IMMP2L: variants seen among roughly 807,000 people sequenced by gnomAD.
IMMP2L encodes the protein inner mitochondrial membrane peptidase subunit 2, also known as mitochondrial inner membrane protease subunit 2.
A neutral mutation model predicts 19.3 loss-of-function variants in IMMP2L; 18 were observed. The ratio of observed to expected loss-of-function variants is 0.93; its 90% confidence interval spans 0.64 to 1.38. IMMP2L has a LOEUF of 1.38. Among genes scored for constraint, IMMP2L ranks in the 40% most tolerant of loss-of-function variants. The pLI is 0.00. For synonymous variants in IMMP2L, 76 were observed against 73.0 expected (o/e 1.04, Z -0.21); for missense variants, 233 against 218.2 (o/e 1.07, Z -0.43).
At chr7:110,980,225 T>A (rs570122415) in intron 3 of IMMP2L, among the ~76,000 whole-genome samples, 9 of 129,972 alleles carry the variant, frequency 6.9e-5, no homozygotes, top group African/African-American at 2.8e-4. Flanking sequence ...TTTGTGCTGC[T>A]TCTTTTTTTT....
At chr7:110,730,639 T>C (rs374300275) in intron 5 of IMMP2L, among the ~76,000 whole-genome samples, 185 of 152,076 alleles carry the variant, frequency 1.2e-3, no homozygotes, top group Non-Finnish European at 1.9e-3. Context: ...ATTCTCCTGC[T>C]TCAGCCTCCC....
Position 110,728,531 on chromosome 7 carries a change from T to C in IMMP2L, c.409-64810A>G, listed in dbSNP as rs1424632828. 6.6e-6 allele frequency among the ~76,000 whole-genome samples: 1 copy of C among 151,926 alleles called. No individual in the cohort carries two copies. The highest frequency in any genetic ancestry group is 1.5e-5 in the Non-Finnish European group (1 of 67,922). On this transcript the variant is annotated intron_variant, in intron 5 of 5. Coordinates refer to ENST00000405709, the MANE Select transcript of IMMP2L (RefSeq NM_032549.4). This position sits in a 1 kb window ranked among gnomAD's most constrained non-coding sequence, Gnocchi z 4.6. ...TAAATAAAATAAAATAAAATAACAA[T>C]ATTAAAGGCCCCTTTTGACCCACCT... is the stretch of plus-strand genomic sequence containing the variant.
rs911595267 is a variant in IMMP2L at position 110,924,260 on chromosome 7, A to G, written c.306-37565T>C. Reference sequence around the variant, plus strand: ...CTTTAATTTCCTTTATTACAGCAAAATTGAGAAGAGGCTTCTGGTGAAAAC... The same window carrying G: ...CTTTAATTTCCTTTATTACAGCAAAGTTGAGAAGAGGCTTCTGGTGAAAAC... On this transcript the variant is annotated intron_variant, in intron 4 of 5. Coordinates refer to ENST00000405709, the MANE Select transcript of IMMP2L (RefSeq NM_032549.4). The surrounding 1 kb of genome is among the most constrained non-coding windows in gnomAD (Gnocchi z 4.2). Among the ~76,000 whole-genome samples, 2 of 152,274 alleles carry G rather than the reference A, an allele frequency of 1.3e-5. No homozygotes were observed. Among genetic ancestry groups the G allele is most frequent in the South Asian group, 4.1e-4 (2 of 4,824 alleles).
At chr7:111,080,952 T>C (rs925934968) in intron 3 of IMMP2L, among the ~76,000 whole-genome samples, 1 of 152,206 alleles carries the variant, frequency 6.6e-6, no homozygotes, top group Admixed American at 6.5e-5. Flanking sequence ...TAAGTAAATA[T>C]TCTATAAGCA....
chr7:111,435,234 A>G (rs1349494533), intron 3 of IMMP2L, among the ~76,000 whole-genome samples: 1 of 151,916 alleles, frequency 6.6e-6, no homozygotes, highest in Non-Finnish European at 1.5e-5. Context: ...TTGAAATTAT[A>G]TCTTTATCAC....
At chr7:111,030,691 G>GTAAAACAGGATTAACTACATAGTTAC (rs1790665159) in intron 3 of IMMP2L, among the ~76,000 whole-genome samples, 1 of 151,842 alleles carries the variant, frequency 6.6e-6, no homozygotes, top group Non-Finnish European at 1.5e-5. Flanking sequence ...ATTTATATTA[G>GTAAAACAGGATTAACTACATAGTTAC]TAAAACAGGA....
chr7:111,133,810 C>T (rs953732746), intron 3 of IMMP2L, among the ~76,000 whole-genome samples: 10 of 152,112 alleles, frequency 6.6e-5, no homozygotes, highest in African/African-American at 2.4e-4. Context: ...TAAACCTTCC[C>T]TAATCTGAAA....
At chr7:110,672,173 G>A (rs1191208691) in intron 5 of IMMP2L, among the ~76,000 whole-genome samples, 2 of 152,048 alleles carry the variant, frequency 1.3e-5, no homozygotes, top group African/African-American at 2.4e-5. Context: ...TACAATCATA[G>A]CAGAAGGGGA....
intron 2 of IMMP2L, among the ~76,000 whole-genome samples, chr7:111,487,687 A>C (rs1842770273): frequency 6.6e-6 from 1 of 152,206 alleles, no homozygotes; most frequent in Non-Finnish European, 1.5e-5. Flanking sequence ...ATATCCAGAT[A>C]GGATCTAATT....
intron 3 of IMMP2L, among the ~76,000 whole-genome samples, chr7:111,167,636 A>G (rs1805973983): frequency 6.6e-6 from 1 of 151,960 alleles, no homozygotes; most frequent in Admixed American, 6.6e-5. Context: ...CCCAATGACT[A>G]AATTATCTTC....
chr7:110,993,481 T>C (rs1214307326), intron 3 of IMMP2L, among the ~76,000 whole-genome samples: 2 of 152,056 alleles, frequency 1.3e-5, no homozygotes, highest in Admixed American at 1.3e-4. Flanking sequence ...TTCTTCTATG[T>C]AGTTGCTTTT....
intron 5 of IMMP2L, among the ~76,000 whole-genome samples, chr7:110,820,160 G>T (rs567878787): frequency 8.7e-4 from 132 of 151,586 alleles, no homozygotes; most frequent in Non-Finnish European, 1.3e-3. Flanking sequence ...TTATCTTCAG[G>T]GTACAATACA....
chr7:111,429,104 C>A (rs950641731), intron 3 of IMMP2L, among the ~76,000 whole-genome samples: 1 of 151,710 alleles, frequency 6.6e-6, no homozygotes, highest in African/African-American at 2.4e-5. Context: ...AAAGAACATG[C>A]AATCCTTTTT....
intron 3 of IMMP2L, among the ~76,000 whole-genome samples, chr7:111,201,279 C>CAA (rs564280464): frequency 1.8e-3 from 238 of 134,252 alleles, no homozygotes; most frequent in African/African-American, 4.4e-3. Flanking sequence ...GTATCAAATC[C>CAA]AAAAAAAAAA....
chr7:111,205,515 C>A (rs1031804317), intron 3 of IMMP2L, among the ~76,000 whole-genome samples: 3 of 152,140 alleles, frequency 2.0e-5, no homozygotes, highest in Non-Finnish European at 4.4e-5. Context: ...GGACCTTATA[C>A]AGATTAAAGG....
intron 5 of IMMP2L, among the ~76,000 whole-genome samples, chr7:110,762,833 C>T (rs768967657): frequency 2.0e-5 from 3 of 152,066 alleles, no homozygotes; most frequent in Non-Finnish European, 4.4e-5. Context: ...AGATAATGTT[C>T]GGAGAGCAAG....
chr7:110,977,403 C>T (rs960209071), intron 3 of IMMP2L, among the ~76,000 whole-genome samples: 2 of 151,854 alleles, frequency 1.3e-5, no homozygotes, highest in African/African-American at 2.4e-5. Context: ...TAAACATAAG[C>T]GGCCGAGCAT....
intron 3 of IMMP2L, among the ~76,000 whole-genome samples, chr7:111,047,642 T>C (rs532312417): frequency 4.3e-4 from 65 of 152,314 alleles, no homozygotes; most frequent in African/African-American, 1.5e-3. Context: ...TCTAACTGTA[T>C]GCTAATATCT....
intron 4 of IMMP2L, among the ~76,000 whole-genome samples, chr7:110,937,797 T>C (rs545754895): frequency 8.5e-5 from 13 of 152,324 alleles, no homozygotes; most frequent in Middle Eastern, 6.8e-3. Flanking sequence ...GCTTTCACAG[T>C]AGTATCTCAG....
Sources: allele counts gnomAD v4.1 joint callset (sites outside exome capture counted in the v4.1 genomes callset), GRCh38; gene constraint gnomAD v4.1.1; non-coding constraint Gnocchi (gnomAD v3.1); transcripts MANE v1.5; gene names NCBI Gene and HGNC (gene_info 2026-07-23, HGNC 2026-07-21).